Variants in KLHL14 observed in about 807,000 individuals in gnomAD.
KLHL14 encodes kelch like family member 14.
A neutral mutation model predicts 64.3 loss-of-function variants in KLHL14; 22 were observed. The ratio of observed to expected loss-of-function variants is 0.34; its 90% CI spans 0.24 to 0.49. The LOEUF (loss-of-function observed/expected upper bound fraction) is 0.49. Ranked by LOEUF, KLHL14 falls within the 20% of genes least tolerant of loss-of-function variation. The pLI is 0.99. For synonymous variants in KLHL14, 322 were observed against 333.4 expected, an observed-to-expected ratio of 0.97 and a Z score of 0.37; for missense variants, 661 against 789.0, an observed-to-expected ratio of 0.84 and a Z score of 1.94.
intron 2 of KLHL14, among the ~76,000 whole-genome samples, chr18:32,759,871 C>T (rs564288935): frequency 6.6e-6 from 1 of 152,118 alleles, no homozygotes; most frequent in African/African-American, 2.4e-5. Flanking sequence ...TGTAATACAC[C>T]CATACTGACT....
rs1452421463 is a variant in KLHL14, at chr18:32,727,069, C to T, written c.1069+14859G>A. 2.0e-5 allele frequency among the ~76,000 whole-genome samples: 3 copies of T among 152,196 alleles called. No homozygotes were observed. The East Asian group carries it at 5.8e-4, about 29-fold the overall frequency. ...GCTGAGCTATAAAGGGGAGTGAACTCCCAACCTTAGCTTTATGCAGCCCGC... is the reference window on the plus strand; with the variant it reads ...GCTGAGCTATAAAGGGGAGTGAACTTCCAACCTTAGCTTTATGCAGCCCGC... On this transcript the variant is annotated intron_variant, in intron 3 of 8. Coordinates refer to ENST00000359358, the MANE Select transcript of KLHL14 (RefSeq NM_020805.3).
intron 3 of KLHL14, among the ~76,000 whole-genome samples, chr18:32,729,236 A>T (rs1287937548): frequency 6.6e-6 from 1 of 151,934 alleles, no homozygotes; most frequent in East Asian, 1.9e-4. Context: ...GGAGATGGGG[A>T]GGGTGAGGAT....
intron 2 of KLHL14, among the ~76,000 whole-genome samples, chr18:32,759,459 C>T (rs183578312): frequency 6.0e-4 from 91 of 152,170 alleles, no homozygotes; most frequent in African/African-American, 2.0e-3. Flanking sequence ...ATATGTATAG[C>T]CAGGCACTAT....
Position 32,683,814 on chromosome 18 carries a change from C to G in KLHL14, c.1239-3215G>C, listed in dbSNP as rs747428244. 1.3e-4 allele frequency among the ~76,000 whole-genome samples: 20 copies of G among 152,132 alleles called. No homozygotes were observed. The highest frequency in any genetic ancestry group is 2.2e-4 in the Non-Finnish European group (15 of 68,028). On this transcript the variant is annotated intron_variant, in intron 5 of 8. Transcript: ENST00000359358. This position sits in a 1 kb window ranked among gnomAD's most constrained non-coding sequence, Gnocchi z 4.2. ...AAAGCATGAGATTGGATTACTATAT[C>G]CTTACCCTGCTTGAATTTTTGACTT... is the stretch of plus-strand genomic sequence containing the variant.
At chr18:32,765,521 T>A (rs2050337721) in intron 2 of KLHL14, among the ~76,000 whole-genome samples, 1 of 152,218 alleles carries the variant, frequency 6.6e-6, no homozygotes, top group African/African-American at 2.4e-5. Flanking sequence ...GTATTCTGAA[T>A]GGTTGAATAA....
At chr18:32,756,569 C>T (rs763518103) in intron 2 of KLHL14, among the ~76,000 whole-genome samples, 4 of 152,186 alleles carry the variant, frequency 2.6e-5, no homozygotes, top group Non-Finnish European at 5.9e-5. Flanking sequence ...CTCTTTCCTG[C>T]ACAAGAGGTG....
chr18:32,687,717 A>AAGAT lies in KLHL14; in HGVS notation c.1160-488_1160-485dup, dbSNP rs2049886473. Among the ~76,000 whole-genome samples, 3 of 152,186 alleles carry AAGAT rather than the reference A, an allele frequency of 2.0e-5. No homozygotes were observed. The South Asian group carries it at 6.2e-4, about 31-fold the overall frequency. On this transcript the variant is annotated intron_variant, in intron 4 of 8. Coordinates refer to ENST00000359358, the MANE Select transcript of KLHL14 (RefSeq NM_020805.3). ...TTCTTTTCAGAAAAAATTATTTTAA[A>AAGAT]AGATAATATTTTTAGAGAAGTTTTA... is the stretch of plus-strand genomic sequence containing the variant.
intron 3 of KLHL14, among the ~76,000 whole-genome samples, chr18:32,708,470 G>T (rs2050001932): frequency 6.6e-6 from 1 of 152,204 alleles, no homozygotes; most frequent in African/African-American, 2.4e-5. Flanking sequence ...GGCTTAGTTA[G>T]GTAGCAGCGT....
At chr18:32,728,247 AGT>A in intron 3 of KLHL14, among the ~76,000 whole-genome samples, 1 of 152,314 alleles carries the variant, frequency 6.6e-6, no homozygotes, top group East Asian at 1.9e-4. Context: ...TGTTAACTAC[AGT>A]AATGAGAAAT....
chr18:32,734,931 C>G (rs1285973853), intron 3 of KLHL14, among the ~76,000 whole-genome samples: 1 of 152,102 alleles, frequency 6.6e-6, no homozygotes, highest in Non-Finnish European at 1.5e-5. Flanking sequence ...CTCTTTGATG[C>G]TATGTTGCTT....
intron 4 of KLHL14, among the ~76,000 whole-genome samples, chr18:32,694,201 C>T: frequency 6.6e-6 from 1 of 152,170 alleles, no homozygotes; most frequent in African/African-American, 2.4e-5. Context: ...TTTAACCTGG[C>T]CTTCAAAAAG....
chr18:32,714,237 C>T (rs1192323404), intron 3 of KLHL14, among the ~76,000 whole-genome samples: 2 of 152,068 alleles, frequency 1.3e-5, no homozygotes, highest in African/African-American at 4.8e-5. Context: ...AGAGAATGTG[C>T]CTCTGATTGT....
chr18:32,760,906 C>CA (rs769423152), intron 2 of KLHL14, among the ~76,000 whole-genome samples: 3 of 152,208 alleles, frequency 2.0e-5, no homozygotes, highest in Admixed American at 6.5e-5. Flanking sequence ...CCCTTGGTTT[C>CA]ACCTTTGGTT....
chr18:32,709,375 T>C (rs2050007035), intron 3 of KLHL14, among the ~76,000 whole-genome samples: 2 of 152,198 alleles, frequency 1.3e-5, no homozygotes, highest in Non-Finnish European at 2.9e-5. Context: ...CAGTGCCATT[T>C]AGAAAGCCCT....
At chr18:32,733,024 G>A (rs2050144487) in intron 3 of KLHL14, among the ~76,000 whole-genome samples, 1 of 152,166 alleles carries the variant, frequency 6.6e-6, no homozygotes, top group Non-Finnish European at 1.5e-5. Flanking sequence ...AAAAAGAGAT[G>A]ATCTCAGAAA....
intron 3 of KLHL14, among the ~76,000 whole-genome samples, chr18:32,731,713 C>T (rs372425659): frequency 2.0e-4 from 30 of 151,480 alleles, no homozygotes; most frequent in Non-Finnish European, 3.8e-4. Flanking sequence ...ATGAGATCTA[C>T]GTGTATATAT....
Position 32,683,749 on chromosome 18 carries a change from C to T in KLHL14, c.1239-3150G>A, listed in dbSNP as rs959818146. Among the ~76,000 whole-genome samples, 2 of 152,196 alleles carry T rather than the reference C, an allele frequency of 1.3e-5. No individual in the cohort carries two copies. The highest frequency in any genetic ancestry group is 4.8e-5 in the African/African-American group (2 of 41,460). ...ACTCTGCTTATTTTGCAGATCTTTA[C>T]AAGTTCTTTCTGGCCCTTGGAGTTG... is the stretch of plus-strand genomic sequence containing the variant. On this transcript the variant is annotated intron_variant, in intron 5 of 8. Transcript: ENST00000359358. This position sits in a 1 kb window ranked among gnomAD's most constrained non-coding sequence, Gnocchi z 4.2.
intron 3 of KLHL14, among the ~76,000 whole-genome samples, chr18:32,732,281 G>A (rs1263232035): frequency 1.3e-5 from 2 of 152,158 alleles, no homozygotes; most frequent in South Asian, 2.1e-4. Flanking sequence ...TATCATTCCT[G>A]ACAATACAGT....
rs376176556 is a variant in KLHL14, at chr18:32,724,481, C to A, written c.1069+17447G>T. Among the ~76,000 whole-genome samples the A allele has an allele frequency of 2.0e-5, 3 of 152,222 alleles. No homozygotes were observed. The East Asian group carries it at 5.8e-4, about 29-fold the overall frequency. ...TCATAGCAACCAGATAGAAACAGTG[C>A]AGTGTTGGGTTTCAGAGGCAGGCTC... is the stretch of plus-strand genomic sequence containing the variant. On this transcript the variant is annotated intron_variant, in intron 3 of 8. Transcript: ENST00000359358.
Sources: allele counts gnomAD v4.1 joint callset (sites outside exome capture counted in the v4.1 genomes callset), GRCh38; gene constraint gnomAD v4.1.1; non-coding constraint Gnocchi (gnomAD v3.1); transcripts MANE v1.5; gene names NCBI Gene and HGNC (gene_info 2026-07-23, HGNC 2026-07-21).